TBC1D22A: variants seen among roughly 807,000 people sequenced by gnomAD.
TBC1D22A encodes TBC1 domain family member 22A.
Under a neutral mutation model 60.2 loss-of-function variants are expected in TBC1D22A, and 38 were observed. The observed-to-expected ratio is 0.63, with a 90% CI of 0.49 to 0.83. The LOEUF (loss-of-function observed/expected upper bound fraction) is 0.83. Among genes scored for constraint, TBC1D22A ranks in the 40% least tolerant of loss-of-function variants. TBC1D22A has a pLI of 0.00. For missense variants in TBC1D22A, 628 were observed against 701.0 expected (o/e 0.90, Z 1.18); for synonymous variants, 302 against 281.7 (o/e 1.07, Z -0.72).
At chr22:46,999,139 C>T (rs1048704837) in intron 10 of TBC1D22A, among the ~76,000 whole-genome samples, 5 of 152,148 alleles carry the variant, frequency 3.3e-5, no homozygotes, top group African/African-American at 9.7e-5. Context: ...GGTTAGTGCT[C>T]GTTTGTTCCG....
At chr22:46,894,183 A>T (rs1437777494) in intron 6 of TBC1D22A, among the ~76,000 whole-genome samples, 1 of 152,198 alleles carries the variant, frequency 6.6e-6, no homozygotes, top group Non-Finnish European at 1.5e-5. Flanking sequence ...ATGCCAGGCC[A>T]AGCCCACAAC....
intron 1 of TBC1D22A, among the ~76,000 whole-genome samples, chr22:46,769,484 C>G (rs529859605): frequency 6.6e-6 from 1 of 152,222 alleles, no homozygotes; most frequent in Non-Finnish European, 1.5e-5. Context: ...GTCCCGGGAC[C>G]CTGGCAGAGT....
chr22:47,049,099 C>T lies in TBC1D22A; in HGVS notation c.1329+11901C>T, dbSNP rs377232047. Among the ~76,000 whole-genome samples the T allele has an allele frequency of 3.5e-4, 54 of 152,302 alleles. 1 individual carries two copies. In the East Asian group the frequency reaches 7.0e-3, roughly 20 times the overall value. On this transcript the variant is annotated intron_variant, in intron 11 of 12. Coordinates refer to ENST00000337137, the MANE Select transcript of TBC1D22A (RefSeq NM_014346.5). Reference sequence around the variant, plus strand: ...TCGTTAATGGCCGGGAAGAGGAGGCCGGCGCTCCACCTGGGTCCCCAGTGT... The same window carrying T: ...TCGTTAATGGCCGGGAAGAGGAGGCTGGCGCTCCACCTGGGTCCCCAGTGT...
chr22:46,875,382 G>T (rs2067504557), intron 4 of TBC1D22A, among the ~76,000 whole-genome samples: 1 of 152,224 alleles, frequency 6.6e-6, no homozygotes, highest in Non-Finnish European at 1.5e-5. Context: ...AGTTAACTGG[G>T]AGTGGGGGCC....
In TBC1D22A at chr22:46,791,631, A is replaced by G. The variant is rs545557086; in HGVS notation, c.63-889A>G. On this transcript the variant is annotated intron_variant, in intron 1 of 12. Transcript: ENST00000337137. ...CACAGGGCCAGCCGTGGCTGACGTC[A>G]GCCAAAGGAGCAAAGGCTTCTGGGT... 6.8e-4 allele frequency among the ~76,000 whole-genome samples: 103 copies of G among 151,884 alleles called. No homozygotes were observed. In the South Asian group the frequency reaches 0.014, roughly 21 times the overall value.
chr22:46,862,892 G>A (rs572778359), intron 4 of TBC1D22A, among the ~76,000 whole-genome samples: 5 of 152,278 alleles, frequency 3.3e-5, no homozygotes, highest in South Asian at 4.1e-4. Context: ...AAGAGGCACC[G>A]TGGACCCGAT....
chr22:47,135,469 G>A (rs1203954388), intron 12 of TBC1D22A, among the ~76,000 whole-genome samples: 5 of 152,202 alleles, frequency 3.3e-5, no homozygotes, highest in Non-Finnish European at 5.9e-5. Flanking sequence ...GGCAGCAGTC[G>A]GGGTAGGGGG....
intron 8 of TBC1D22A, among the ~76,000 whole-genome samples, chr22:46,960,520 C>T (rs1375364743): frequency 6.6e-6 from 1 of 152,198 alleles, no homozygotes; most frequent in Non-Finnish European, 1.5e-5. Context: ...CCTCAGTCCC[C>T]CAAAGTGCTG....
chr22:47,025,879 G>A (rs1457381821), intron 10 of TBC1D22A, among the ~76,000 whole-genome samples: 2 of 152,028 alleles, frequency 1.3e-5, no homozygotes, highest in African/African-American at 4.8e-5. Context: ...AAGAGGCTGT[G>A]CTTAGAGGGA....
At chr22:47,151,095 G>A (rs543838437) in intron 12 of TBC1D22A, among the ~76,000 whole-genome samples, 1 of 152,256 alleles carries the variant, frequency 6.6e-6, no homozygotes, top group South Asian at 2.1e-4. Flanking sequence ...AGCTGCGTGG[G>A]GAGCAACCCG....
At chr22:46,770,105 C>T (rs1732904501) in intron 1 of TBC1D22A, among the ~76,000 whole-genome samples, 1 of 152,188 alleles carries the variant, frequency 6.6e-6, no homozygotes, top group Non-Finnish European at 1.5e-5. Flanking sequence ...ACCTGGTGGG[C>T]CCAGTGTAAC....
At chr22:46,878,865 A>T in intron 5 of TBC1D22A, 142 bp downstream of exon 5, 1 of 625,174 alleles carries the variant, frequency 1.6e-6, no homozygotes, top group Non-Finnish European at 2.8e-6. Context: ...GCTATGGCTA[A>T]GCTGACATTT....
chr22:47,111,685 A>T (rs766726959), intron 12 of TBC1D22A, 82 bp downstream of exon 12: 2 of 1,323,588 alleles, frequency 1.5e-6, no homozygotes, highest in Non-Finnish European at 2.1e-6. Context: ...TCACAGGGTT[A>T]TTTGTGGAAG....
At position 47,111,604 on chromosome 22, in the gene TBC1D22A, G is replaced by A. The variant is rs147421684; in HGVS notation, c.1425+1G>A. The A allele has an allele frequency of 4.3e-6, 7 of 1,611,966 alleles. No homozygotes were observed. The highest frequency in any genetic ancestry group is 1.3e-5 in the African/African-American group (1 of 74,824). On this transcript the variant is annotated splice_donor_variant, in intron 12 of 12. Transcript: ENST00000337137. LOFTEE classifies it high-confidence loss of function. Reference sequence around the variant, plus strand: ...AATACTAGAAGAAAAAGATTTTCAAGTAAGTAAATGTCTTTTCAAAAGAAC... The same window carrying A: ...AATACTAGAAGAAAAAGATTTTCAAATAAGTAAATGTCTTTTCAAAAGAAC...
chr22:46,976,876 A>G (rs902372002), intron 9 of TBC1D22A, among the ~76,000 whole-genome samples: 2 of 152,218 alleles, frequency 1.3e-5, no homozygotes, highest in Non-Finnish European at 2.9e-5. Context: ...CCGCTGAGCC[A>G]GAACTGTGTG....
In TBC1D22A at chr22:47,103,243, C is replaced by A. The variant is rs114501140; in HGVS notation, c.1330-8265C>A. Among the ~76,000 whole-genome samples the A allele has an allele frequency of 3.8e-3, 577 of 152,186 alleles. 1 individual carries two copies. The highest frequency in any genetic ancestry group is 0.012 in the African/African-American group (514 of 41,508). Reference sequence around the variant, plus strand: ...GCTGGGATTAGAATGAAGAAGGGGTCACAGAGGGAAAGCTGACACAGGGGA... The same window carrying A: ...GCTGGGATTAGAATGAAGAAGGGGTAACAGAGGGAAAGCTGACACAGGGGA... On this transcript the variant is annotated intron_variant, in intron 11 of 12. Transcript: ENST00000337137.
chr22:46,960,387 G>C (rs1569274646), intron 8 of TBC1D22A, among the ~76,000 whole-genome samples: 1 of 152,008 alleles, frequency 6.6e-6, no homozygotes, highest in Non-Finnish European at 1.5e-5. Flanking sequence ...TCAGCCTCCT[G>C]AGTAGCTGGG....
intron 1 of TBC1D22A, among the ~76,000 whole-genome samples, chr22:46,788,531 G>A (rs2084264294): frequency 6.6e-6 from 1 of 152,188 alleles, no homozygotes; most frequent in African/African-American, 2.4e-5. Context: ...ACTTTTCTGT[G>A]TGTTTCATTC....
intron 12 of TBC1D22A, among the ~76,000 whole-genome samples, chr22:47,135,237 C>T (rs1024231603): frequency 1.3e-5 from 2 of 152,222 alleles, no homozygotes; most frequent in African/African-American, 4.8e-5. Flanking sequence ...GGCGCTGCTT[C>T]CCGTCATCCC....
Sources: gnomAD v4.1 joint callset for allele counts (sites outside exome capture counted in the v4.1 genomes callset) on GRCh38, gnomAD v4.1.1 for gene constraint, MANE v1.5 for transcripts, NCBI Gene and HGNC (gene_info 2026-07-23, HGNC 2026-07-21) for gene names.